The following NUBPL variants were observed in gnomAD, a reference collection of about 807,000 sequenced individuals.
NUBPL encodes the protein iron-sulfur cluster transfer protein NUBPL.
NUBPL carries 31 observed loss-of-function variants against 45.7 expected under a neutral mutation model. The ratio of observed to expected loss-of-function variants is 0.68; its 90% CI spans 0.51 to 0.92. NUBPL has a LOEUF of 0.92. Among genes scored for constraint, NUBPL ranks in the 40% least tolerant of loss-of-function variants. The pLI is 0.00. For missense variants in NUBPL, 401 were observed against 398.7 expected (o/e 1.01, Z -0.05); for synonymous variants, 144 against 140.9 (o/e 1.02, Z -0.15).
chr14:31,726,216 A>G (rs1381171033), intron 6 of NUBPL, among the ~76,000 whole-genome samples: 2 of 152,220 alleles, frequency 1.3e-5, no homozygotes, highest in African/African-American at 4.8e-5. Context: ...CTTTCCTTCC[A>G]GTCTTAAGGA....
chr14:31,561,509 C>T lies in NUBPL; in HGVS notation c.70C>T (p.Pro24Ser). 7.2e-7 allele frequency: 1 copy of T among 1,388,598 alleles called. No homozygotes were observed. Among genetic ancestry groups the T allele is most frequent in the Non-Finnish European group, 9.4e-7 (1 of 1,063,924 alleles). The allele number at this position is 1,388,598 out of a possible 1,614,324, so 86.0% of individuals were successfully genotyped here. ...CCGGGCTGGTGGCGGGGCCACTGCC[C>T]CGCTTGGGGGAAGCCGAGCGATGGT... ...SLRAGGGATA[P>S]LGGSRAMVCG... The change falls in exon 1 of 11, where the codon CCG (proline) becomes TCG (serine). Residue 24 changes from proline (P) to serine (S), a missense_variant. Coordinates refer to ENST00000281081, the MANE Select transcript of NUBPL (RefSeq NM_025152.3).
intron 6 of NUBPL, among the ~76,000 whole-genome samples, chr14:31,745,636 A>G (rs2038382421): frequency 6.6e-6 from 1 of 151,806 alleles, no homozygotes; most frequent in South Asian, 2.1e-4. Flanking sequence ...TTGATTTTGT[A>G]TCCTGTTACT....
intron 4 of NUBPL, among the ~76,000 whole-genome samples, chr14:31,602,689 A>T (rs1280603368): frequency 2.6e-5 from 4 of 152,156 alleles, no homozygotes; most frequent in Non-Finnish European, 5.9e-5. Context: ...TAATGCATTT[A>T]GCAGAATTTC....
chr14:31,802,373 T>A (rs2039607968), intron 7 of NUBPL, among the ~76,000 whole-genome samples: 1 of 152,100 alleles, frequency 6.6e-6, no homozygotes, highest in Middle Eastern at 3.4e-3. Flanking sequence ...CCTCCTGGGT[T>A]CAAGCAATTC....
chr14:31,818,142 A>C (rs2039953711), intron 7 of NUBPL, among the ~76,000 whole-genome samples: 1 of 152,188 alleles, frequency 6.6e-6, no homozygotes, highest in Non-Finnish European at 1.5e-5. Context: ...ATATGCACCC[A>C]ATAAAGGAGC....
intron 6 of NUBPL, among the ~76,000 whole-genome samples, chr14:31,746,000 G>T (rs182621665): frequency 7.7e-4 from 117 of 152,078 alleles, no homozygotes; most frequent in Non-Finnish European, 1.3e-3. Flanking sequence ...TGCTGGGGCG[G>T]ACTCTCTTAG....
At chr14:31,667,310 C>A (rs2036456632) in intron 4 of NUBPL, among the ~76,000 whole-genome samples, 1 of 151,910 alleles carries the variant, frequency 6.6e-6, no homozygotes, top group Admixed American at 6.6e-5. Flanking sequence ...GATCTTCAAT[C>A]TCTGATATCC....
intron 6 of NUBPL, among the ~76,000 whole-genome samples, chr14:31,759,570 A>G (rs2038751982): frequency 6.6e-6 from 1 of 151,988 alleles, no homozygotes; most frequent in Non-Finnish European, 1.5e-5. Flanking sequence ...AACATTTCAA[A>G]TCTGTTCTCA....
At chr14:31,783,240 G>T (rs1313590970) in intron 6 of NUBPL, among the ~76,000 whole-genome samples, 8 of 152,132 alleles carry the variant, frequency 5.3e-5, no homozygotes, top group Non-Finnish European at 1.2e-4. Flanking sequence ...ATTGGATCCT[G>T]CCATGGGGTA....
intron 6 of NUBPL, among the ~76,000 whole-genome samples, chr14:31,773,363 A>G (rs2039043360): frequency 3.3e-5 from 5 of 152,218 alleles, no homozygotes; most frequent in Admixed American, 3.3e-4. Context: ...AACTTGACTC[A>G]TAGAATCATT....
In NUBPL at chr14:31,769,486, G is replaced by A. The variant is rs1019870163; in HGVS notation, c.514-18294G>A. 2.0e-5 allele frequency among the ~76,000 whole-genome samples: 3 copies of A among 152,038 alleles called. No individual in the cohort carries two copies. In the South Asian group the frequency reaches 6.2e-4, roughly 31 times the overall value. ...TCTTACATACACTAGAATGAGATGT[G>A]TTGGATGGCACTCAGTGTATATTGT... On this transcript the variant is annotated intron_variant, in intron 6 of 10. Coordinates refer to ENST00000281081, the MANE Select transcript of NUBPL (RefSeq NM_025152.3).
chr14:31,677,009 T>C (rs113453256), intron 6 of NUBPL, among the ~76,000 whole-genome samples: 1,612 of 152,048 alleles, frequency 0.011, 23 homozygotes, highest in African/African-American at 0.037. Context: ...TAAGAATGTA[T>C]TTATTTTTTT....
chr14:31,730,066 G>A (rs189315697), intron 6 of NUBPL, among the ~76,000 whole-genome samples: 131 of 152,162 alleles, frequency 8.6e-4, no homozygotes, highest in Non-Finnish European at 1.4e-3. Context: ...AAAAAGTAAG[G>A]TTCTGTTGAT....
rs1566445772 is a variant in NUBPL at position 31,610,334 on chromosome 14, C to CA, written c.382+10955_382+10956insA. ...GAAGAAATGGATAAATTCATATACACGTACAACCTACCAAGATTGAATTAG... is the reference window on the plus strand; with the variant it reads ...GAAGAAATGGATAAATTCATATACACAGTACAACCTACCAAGATTGAATTAG... On this transcript the variant is annotated intron_variant, in intron 4 of 10. Coordinates refer to ENST00000281081, the MANE Select transcript of NUBPL (RefSeq NM_025152.3). Among the ~76,000 whole-genome samples, 22 of 152,052 alleles carry CA rather than the reference C, an allele frequency of 1.4e-4. No individual in the cohort carries two copies. The South Asian group carries it at 4.4e-3, about 30-fold the overall frequency.
intron 3 of NUBPL, among the ~76,000 whole-genome samples, chr14:31,574,890 G>C (rs1312603441): frequency 7.3e-6 from 1 of 137,292 alleles, no homozygotes; most frequent in East Asian, 2.2e-4. Flanking sequence ...TGGCCTACTT[G>C]ATTCTTTTAG....
chr14:31,568,395 C>T (rs190996914), intron 3 of NUBPL, among the ~76,000 whole-genome samples: 4 of 152,294 alleles, frequency 2.6e-5, no homozygotes, highest in Admixed American at 1.3e-4. Flanking sequence ...TACATAAACA[C>T]GCCCTTCGAG....
intron 6 of NUBPL, among the ~76,000 whole-genome samples, chr14:31,753,777 G>C (rs1022291092): frequency 6.6e-6 from 1 of 152,120 alleles, no homozygotes; most frequent in Non-Finnish European, 1.5e-5. Flanking sequence ...CTGAGTTTCT[G>C]TGCTTCACAG....
chr14:31,645,296 G>A (rs2035816029), intron 4 of NUBPL, among the ~76,000 whole-genome samples: 1 of 152,040 alleles, frequency 6.6e-6, no homozygotes, highest in Non-Finnish European at 1.5e-5. Flanking sequence ...TCGATCTCCT[G>A]ACCTCGTGAT....
At chr14:31,703,678 G>A (rs1214670051) in intron 6 of NUBPL, among the ~76,000 whole-genome samples, 1 of 152,176 alleles carries the variant, frequency 6.6e-6, no homozygotes, top group Non-Finnish European at 1.5e-5. Context: ...ACCCACTCCC[G>A]TGATTCAGTT....
Sources: allele counts gnomAD v4.1 joint callset (sites outside exome capture counted in the v4.1 genomes callset), GRCh38; gene constraint gnomAD v4.1.1; transcripts MANE v1.5; gene names NCBI Gene and HGNC (gene_info 2026-07-23, HGNC 2026-07-21).